HIF1A: variants seen among roughly 807,000 people sequenced by gnomAD.
The protein encoded by HIF1A is hypoxia inducible factor 1 subunit alpha, also known as hypoxia-inducible factor 1-alpha.
Under a neutral mutation model 92.7 loss-of-function variants are expected in HIF1A, and 24 were observed. The ratio of observed to expected loss-of-function variants is 0.26; its 90% confidence interval spans 0.19 to 0.36. HIF1A has a LOEUF of 0.36. Ranked by LOEUF, HIF1A falls within the 10% of genes least tolerant of loss-of-function variation. The pLI, the probability that HIF1A is intolerant of heterozygous loss-of-function variation, is 1.00. For synonymous variants in HIF1A, 319 were observed against 338.7 expected (o/e 0.94, Z 0.64); for missense variants, 799 against 998.5 (o/e 0.80, Z 2.69).
intron 4 of HIF1A, among the ~76,000 whole-genome samples, chr14:61,723,430 G>A (rs1446137776): frequency 6.6e-6 from 1 of 152,244 alleles, no homozygotes; most frequent in Non-Finnish European, 1.5e-5. Context: ...ACTGGCTTCA[G>A]AGTCCACGCT....
At chr14:61,722,200 C>A (rs986724110) in intron 4 of HIF1A, among the ~76,000 whole-genome samples, 2 of 151,976 alleles carry the variant, frequency 1.3e-5, no homozygotes, top group Non-Finnish European at 2.9e-5. Flanking sequence ...CCTCCCACCT[C>A]AGTCTCCCAA....
At chr14:61,698,072 AG>A (rs1429781072) in intron 1 of HIF1A, 108 of 508,388 alleles carry the variant, frequency 2.1e-4, no homozygotes, top group Non-Finnish European at 3.2e-4. Context: ...GGGAATGTCA[AG>A]AGAGTAATGA....
chr14:61,740,396 C>G, intron 10 of HIF1A, 109 bp from the exon 11 acceptor site: 1 of 790,122 alleles, frequency 1.3e-6, no homozygotes, highest in South Asian at 2.0e-5. Context: ...ACACGATGGA[C>G]TTGGTTGTGT....
At chr14:61,697,444 A>T (rs1460823415) in intron 1 of HIF1A, among the ~76,000 whole-genome samples, 2 of 152,212 alleles carry the variant, frequency 1.3e-5, no homozygotes, top group African/African-American at 2.4e-5. Flanking sequence ...ACAATGCATT[A>T]AATTATGTAC....
intron 1 of HIF1A, among the ~76,000 whole-genome samples, chr14:61,710,796 C>T (rs916791727): frequency 2.0e-5 from 3 of 152,220 alleles, no homozygotes; most frequent in Admixed American, 6.5e-5. Flanking sequence ...CGCGGTGGCT[C>T]ACGCCTGTAA....
intron 8 of HIF1A, among the ~76,000 whole-genome samples, chr14:61,735,212 C>T (rs2044621299): frequency 6.6e-6 from 1 of 152,196 alleles, no homozygotes; most frequent in African/African-American, 2.4e-5. Context: ...AAGATAAACA[C>T]TTGCCTAGGT....
intron 4 of HIF1A, 53 bp downstream of exon 4, chr14:61,721,876 G>C (rs746516653): frequency 1.5e-4 from 182 of 1,244,260 alleles, no homozygotes; most frequent in Non-Finnish European, 2.0e-4. Context: ...TACATAATAA[G>C]ATACTATTGC....
intron 1 of HIF1A, among the ~76,000 whole-genome samples, chr14:61,708,098 A>G (rs1410457387): frequency 3.3e-5 from 5 of 152,186 alleles, no homozygotes; most frequent in Admixed American, 3.3e-4. Context: ...GGCAGCATAA[A>G]TGTCGTCTTT....
intron 6 of HIF1A, among the ~76,000 whole-genome samples, chr14:61,732,135 T>C (rs2044583271): frequency 6.6e-6 from 1 of 152,018 alleles, no homozygotes; most frequent in South Asian, 2.1e-4. Flanking sequence ...AGGGAAACTC[T>C]TGTCTCAAAA....
At chr14:61,702,082 G>T (rs1166054299) in intron 1 of HIF1A, among the ~76,000 whole-genome samples, 1 of 151,988 alleles carries the variant, frequency 6.6e-6, no homozygotes, top group Non-Finnish European at 1.5e-5. Flanking sequence ...ATGAGACAAT[G>T]ATTGAATAAT....
chr14:61,747,232 A>C lies in HIF1A; in HGVS notation c.*147A>C, dbSNP rs1477633716. Reference sequence around the variant, plus strand: ...TTCAATTTTGATCCCCTTTCTACTTAATTTACATTAATGCTCTTTTTTAGT... The same window carrying C: ...TTCAATTTTGATCCCCTTTCTACTTCATTTACATTAATGCTCTTTTTTAGT... On this transcript the variant is annotated 3_prime_UTR_variant, in exon 15 of 15. Coordinates refer to ENST00000337138, the MANE Select transcript of HIF1A (RefSeq NM_001530.4). The C allele has an allele frequency of 5.5e-6, 3 of 542,378 alleles. 1 individual carries two copies. In the East Asian group the frequency reaches 9.3e-5, roughly 17 times the overall value. 33.6% of individuals were successfully genotyped at this position (542,378 alleles called of 1,614,324 possible). A position where few individuals can be genotyped will look rare whatever the true frequency, so the allele number is the denominator to read the frequency against.
At chr14:61,723,392 T>C (rs143230428) in intron 4 of HIF1A, among the ~76,000 whole-genome samples, 238 of 152,364 alleles carry the variant, frequency 1.6e-3, no homozygotes, top group African/African-American at 5.5e-3. Flanking sequence ...GGTTAGTAAA[T>C]GGCAGAGCTT....
chr14:61,697,931 G>A (rs1459086132), intron 1 of HIF1A: 1 of 1,517,404 alleles, frequency 6.6e-7, no homozygotes, highest in Admixed American at 2.1e-5. Flanking sequence ...CTGAAGAATT[G>A]GAAGAAATCA....
At chr14:61,710,989 G>C (rs2044299676) in intron 1 of HIF1A, among the ~76,000 whole-genome samples, 1 of 151,416 alleles carries the variant, frequency 6.6e-6, no homozygotes, top group South Asian at 2.1e-4. Flanking sequence ...GGAGGTTGCA[G>C]TGAGCGGAGA....
At chr14:61,745,606 T>A in intron 13 of HIF1A, 85 bp from the exon 14 acceptor site, 1 of 1,120,740 alleles carries the variant, frequency 8.9e-7, no homozygotes, top group Non-Finnish European at 1.3e-6. Flanking sequence ...TATAATGTTA[T>A]TAAATTTACA....
At chr14:61,706,229 T>G (rs780707676) in intron 1 of HIF1A, among the ~76,000 whole-genome samples, 22 of 152,182 alleles carry the variant, frequency 1.4e-4, no homozygotes, top group Non-Finnish European at 2.4e-4. Context: ...TACACAGCTC[T>G]TAACCATGAA....
At chr14:61,696,056 G>T (rs1026318599) in intron 1 of HIF1A, among the ~76,000 whole-genome samples, 3 of 152,132 alleles carry the variant, frequency 2.0e-5, no homozygotes, top group African/African-American at 4.8e-5. Flanking sequence ...GAGACGCCTC[G>T]AAAGTGCTTT....
Position 61,747,201 on chromosome 14 carries a change from G to A in HIF1A, c.*116G>A, listed in dbSNP as rs530984621. On this transcript the variant is annotated 3_prime_UTR_variant, in exon 15 of 15. Coordinates refer to ENST00000337138, the MANE Select transcript of HIF1A (RefSeq NM_001530.4). Reference sequence around the variant, plus strand: ...CCTGGCTACAATACTGCACAAACTTGGTTAGTTCAATTTTGATCCCCTTTC... The same window carrying A: ...CCTGGCTACAATACTGCACAAACTTAGTTAGTTCAATTTTGATCCCCTTTC... 45 of 781,312 alleles carry A rather than the reference G, an allele frequency of 5.8e-5. No individual in the cohort carries two copies. Among genetic ancestry groups the A allele is most frequent in the Non-Finnish European group, 6.1e-5 (33 of 540,152 alleles). The allele number at this position is 781,312 out of a possible 1,614,324, so 48.4% of individuals were successfully genotyped here.
intron 9 of HIF1A, among the ~76,000 whole-genome samples, 193 bp downstream of exon 9, chr14:61,737,302 A>G (rs963546083): frequency 6.6e-6 from 1 of 152,138 alleles, no homozygotes; most frequent in African/African-American, 2.4e-5. Context: ...GCTTTTTTAT[A>G]CTGTTGGAAA....
Sources: gnomAD v4.1 joint callset for allele counts (sites outside exome capture counted in the v4.1 genomes callset) on GRCh38, gnomAD v4.1.1 for gene constraint, MANE v1.5 for transcripts, NCBI Gene and HGNC (gene_info 2026-07-23, HGNC 2026-07-21) for gene names.